LINGO2: variants seen among roughly 807,000 people sequenced by gnomAD.
LINGO2 encodes the protein leucine rich repeat and Ig domain containing 2.
Under a neutral mutation model 30.6 loss-of-function variants are expected in LINGO2, and 14 were observed. The ratio of observed to expected loss-of-function variants is 0.46; its 90% confidence interval spans 0.30 to 0.72. The LOEUF (loss-of-function observed/expected upper bound fraction) is 0.72. Ranked by LOEUF, LINGO2 falls within the 30% of genes least tolerant of loss-of-function variation. LINGO2 has a pLI of 0.07. For missense variants in LINGO2, 729 were observed against 751.7 expected, an observed-to-expected ratio of 0.97 and a Z score of 0.35; for synonymous variants, 317 against 288.5, an observed-to-expected ratio of 1.10 and a Z score of -1.00.
chr9:28,172,534 A>G (rs375210436), intron 4 of LINGO2, among the ~76,000 whole-genome samples: 2 of 152,214 alleles, frequency 1.3e-5, no homozygotes, highest in East Asian at 1.9e-4. Context: ...ATCTTGACTT[A>G]AAGTTTGGAT....
At chr9:28,758,726 G>C in the LINGO2 span, among the ~76,000 whole-genome samples, 3 of 151,946 alleles carry the variant, frequency 2.0e-5, no homozygotes, top group Non-Finnish European at 4.4e-5. Flanking sequence ...ATTGTCTAAG[G>C]CTTCTGTTAT....
chr9:28,299,380 T>C (rs977941896), intron 3 of LINGO2, among the ~76,000 whole-genome samples: 1 of 152,120 alleles, frequency 6.6e-6, no homozygotes, highest in Non-Finnish European at 1.5e-5. Context: ...AAATTTAGCC[T>C]TTTCTGTCAG....
chr9:28,136,054 T>C (rs774940769), intron 4 of LINGO2, among the ~76,000 whole-genome samples: 4 of 152,196 alleles, frequency 2.6e-5, no homozygotes, highest in Non-Finnish European at 5.9e-5. Context: ...TTTCTTCAAT[T>C]CTAATGTCCT....
chr9:28,924,411 G>A, the LINGO2 span, among the ~76,000 whole-genome samples: 8 of 151,970 alleles, frequency 5.3e-5, no homozygotes, highest in African/African-American at 1.9e-4. Flanking sequence ...TGTAGAGACA[G>A]GATTTCGTCA....
At chr9:28,900,400 G>C in the LINGO2 span, among the ~76,000 whole-genome samples, 23,499 of 152,126 alleles carry the variant, frequency 0.15, 1,869 homozygotes, top group South Asian at 0.2. Flanking sequence ...AGTACCCACA[G>C]AAGTTCCTGT....
chr9:27,983,240 A>G (rs1820966598), intron 5 of LINGO2, among the ~76,000 whole-genome samples: 1 of 151,944 alleles, frequency 6.6e-6, no homozygotes, highest in Admixed American at 6.6e-5. Context: ...CTTACATAAA[A>G]AGCATTAGTT....
chr9:28,178,005 G>A (rs1044310872), intron 4 of LINGO2, among the ~76,000 whole-genome samples: 1 of 152,116 alleles, frequency 6.6e-6, no homozygotes, highest in Non-Finnish European at 1.5e-5. Context: ...AGTCATACAT[G>A]AATCTATGCA....
the LINGO2 span, among the ~76,000 whole-genome samples, chr9:28,981,720 T>C: frequency 1.3e-5 from 2 of 152,254 alleles, no homozygotes; most frequent in South Asian, 4.1e-4. Context: ...CAAATAGTGC[T>C]CCAATGAATG....
the LINGO2 span, among the ~76,000 whole-genome samples, chr9:28,744,089 C>T: frequency 2.1e-5 from 3 of 145,676 alleles, no homozygotes; most frequent in Admixed American, 7.2e-5. Context: ...TACTCTTGAA[C>T]TCCTATATAT....
the LINGO2 span, among the ~76,000 whole-genome samples, chr9:28,918,993 T>A: frequency 2.0e-5 from 3 of 152,310 alleles, no homozygotes; most frequent in South Asian, 6.2e-4. Flanking sequence ...CTGTATCCAG[T>A]ATGTTCAATT....
At chr9:28,778,109 T>C in the LINGO2 span, among the ~76,000 whole-genome samples, 3 of 152,172 alleles carry the variant, frequency 2.0e-5, no homozygotes, top group Non-Finnish European at 4.4e-5. Flanking sequence ...TACTGAATGG[T>C]TGACTATAAC....
rs536660953 is a variant in LINGO2 at position 28,029,573 on chromosome 9, T to A, written c.-86-17168A>T. Among the ~76,000 whole-genome samples the A allele has an allele frequency of 1.9e-3, 284 of 152,260 alleles. 1 individual carries two copies. Among genetic ancestry groups the A allele is most frequent in the Middle Eastern group, 0.014 (4 of 294 alleles). On this transcript the variant is annotated intron_variant, in intron 4 of 5. Coordinates refer to ENST00000379992, the Ensembl canonical transcript of LINGO2. The stretch of plus-strand genomic sequence containing the variant: ...TATGAAAGGAACCACATTTATATCC[T>A]TCTAACCGTCAAAAATAAAATGAAG...
chr9:28,111,344 G>A (rs1453901375), intron 4 of LINGO2, among the ~76,000 whole-genome samples: 4 of 151,796 alleles, frequency 2.6e-5, no homozygotes, highest in South Asian at 2.1e-4. Context: ...TATGACGCAT[G>A]TATACCTATG....
At chr9:28,314,090 T>C (rs1458783576) in intron 3 of LINGO2, among the ~76,000 whole-genome samples, 2 of 152,022 alleles carry the variant, frequency 1.3e-5, no homozygotes, top group Non-Finnish European at 2.9e-5. Context: ...GCCCACCACC[T>C]CGCCCGGCTA....
chr9:28,870,701 A>C, the LINGO2 span, among the ~76,000 whole-genome samples: 1 of 149,914 alleles, frequency 6.7e-6, no homozygotes, highest in Admixed American at 6.6e-5. Context: ...CATAAGTAAA[A>C]GCATAAAAAG....
the LINGO2 span, among the ~76,000 whole-genome samples, chr9:28,725,059 C>T: frequency 6.6e-6 from 1 of 151,984 alleles, no homozygotes; most frequent in East Asian, 1.9e-4. Flanking sequence ...AATAAATCTA[C>T]ACCTGAAAAA....
chr9:29,029,216 C>T, the LINGO2 span, among the ~76,000 whole-genome samples: 3 of 152,006 alleles, frequency 2.0e-5, no homozygotes, highest in South Asian at 4.1e-4. Flanking sequence ...GGTTGTGGGC[C>T]CTGAAACTAG....
chr9:28,768,488 T>C, the LINGO2 span, among the ~76,000 whole-genome samples: 5 of 152,058 alleles, frequency 3.3e-5, no homozygotes, highest in African/African-American at 7.2e-5. Context: ...AGATGAATTA[T>C]TCCCCCCAAA....
chr9:28,085,576 G>T (rs929371449), intron 4 of LINGO2, among the ~76,000 whole-genome samples: 11 of 152,038 alleles, frequency 7.2e-5, no homozygotes, highest in African/African-American at 2.7e-4. Context: ...GGACCAAATG[G>T]ACTGCCTTAT....
Sources: gnomAD v4.1 joint callset for allele counts (sites outside exome capture counted in the v4.1 genomes callset) on GRCh38, gnomAD v4.1.1 for gene constraint, MANE v1.5 for transcripts, NCBI Gene and HGNC (gene_info 2026-07-23, HGNC 2026-07-21) for gene names.